The following PCDHA11 variants were observed in gnomAD, a reference collection of about 807,000 sequenced individuals.
PCDHA11 encodes the protein protocadherin alpha 11, also known as protocadherin alpha-11.
In PCDHA11, 61 loss-of-function variants were observed where a neutral mutation model predicts 70.3. The observed-to-expected ratio is 0.87, with a 90% confidence interval of 0.71 to 1.07. The LOEUF (loss-of-function observed/expected upper bound fraction) is 1.07, where lower values mean the gene tolerates loss of function less well. PCDHA11 is among the 50% of genes least tolerant of loss of function. The pLI is 0.00. For missense variants in PCDHA11, 1,324 were observed against 1,237.5 expected, an observed-to-expected ratio of 1.07 and a Z score of -1.05; for synonymous variants, 633 against 555.1, an observed-to-expected ratio of 1.14 and a Z score of -1.97.
In PCDHA11 at chr5:140,870,729, G is replaced by T. The variant is rs782392672; in HGVS notation, c.1626G>T (p.Pro542=). The T allele has an allele frequency of 4.3e-6, 7 of 1,613,306 alleles. No individual in the cohort carries two copies. Among genetic ancestry groups the T allele is most frequent in the Non-Finnish European group, 5.1e-6 (6 of 1,179,886 alleles). ...TGAGCGCGCGCGATGCGGGCGTGCC[G>T]CCTCTGAGCAGCAACGTGACGCTGC... is the stretch of plus-strand genomic sequence containing the variant. ...FQVSARDAGV[P]PLSSNVTLQV... is the part of the protein sequence containing the mutation. Residue 542 remains proline, a synonymous_variant, in exon 1 of 4, where the codon CCG becomes CCT. Coordinates refer to ENST00000398640, the MANE Select transcript of PCDHA11 (RefSeq NM_018902.5).
Position 140,883,886 on chromosome 5 carries a change from T to G in PCDHA11, c.2391+12392T>G, listed in dbSNP as rs147704126. ...GCAGTTCCAGGTGAGCGCGCGCGAC[T>G]CTGGCGTGCCGCCTCTGGGCAGCAA... On this transcript the variant is annotated intron_variant, in intron 1 of 3. Transcript: ENST00000398640. The G allele has an allele frequency of 2.5e-5, 41 of 1,613,036 alleles. No homozygotes were observed. The African/African-American group carries it at 2.7e-4, about 11-fold the overall frequency.
chr5:140,930,257 A>C (rs1412873070), intron 1 of PCDHA11: 1 of 152,218 alleles, frequency 6.6e-6, no homozygotes, highest in Non-Finnish European at 1.5e-5. Flanking sequence ...ACTTGGATTT[A>C]ATTTCTTTTA....
intron 1 of PCDHA11, among the ~76,000 whole-genome samples, chr5:140,960,911 G>A (rs2095578426): frequency 6.6e-6 from 1 of 152,284 alleles, no homozygotes; most frequent in Non-Finnish European, 1.5e-5. Context: ...TTGAGTTTCA[G>A]ATAGAAAATT....
At chr5:140,973,414 C>G (rs992904408) in intron 1 of PCDHA11, among the ~76,000 whole-genome samples, 1 of 152,204 alleles carries the variant, frequency 6.6e-6, no homozygotes, top group Non-Finnish European at 1.5e-5. Flanking sequence ...GCTTCCACTC[C>G]AGTTTTTCAT....
chr5:140,983,282 G>A (rs1030439196), intron 3 of PCDHA11, among the ~76,000 whole-genome samples: 1 of 152,152 alleles, frequency 6.6e-6, no homozygotes, highest in Non-Finnish European at 1.5e-5. Context: ...GTGAGTATAG[G>A]AAAATTGCTT....
At chr5:140,938,205 C>T (rs1435832298) in intron 1 of PCDHA11, among the ~76,000 whole-genome samples, 3 of 152,160 alleles carry the variant, frequency 2.0e-5, no homozygotes, top group Non-Finnish European at 4.4e-5. Context: ...GCCAGCCTCC[C>T]AAAGTGCTGG....
intron 3 of PCDHA11, among the ~76,000 whole-genome samples, chr5:141,000,533 T>G (rs1554257655): frequency 3.4e-5 from 5 of 147,384 alleles, no homozygotes; most frequent in Admixed American, 1.4e-4. Context: ...GTTCAAGTGA[T>G]TCTCATGCCT....
At chr5:140,888,958 A>G (rs1174377099) in intron 1 of PCDHA11, among the ~76,000 whole-genome samples, 1 of 152,010 alleles carries the variant, frequency 6.6e-6, no homozygotes, top group African/African-American at 2.4e-5. Flanking sequence ...TTTCTTTGGC[A>G]ATGTTAATGT....
At chr5:140,902,530 G>C (rs569387885) in intron 1 of PCDHA11, among the ~76,000 whole-genome samples, 1 of 152,026 alleles carries the variant, frequency 6.6e-6, no homozygotes, top group African/African-American at 2.4e-5. Flanking sequence ...TTATTATGTT[G>C]AGGTATGTTC....
At chr5:140,971,292 T>C (rs1194622162) in intron 1 of PCDHA11, among the ~76,000 whole-genome samples, 1 of 152,210 alleles carries the variant, frequency 6.6e-6, no homozygotes, top group Non-Finnish European at 1.5e-5. Flanking sequence ...TAATATGTAC[T>C]TTGGTACACA....
intron 1 of PCDHA11, among the ~76,000 whole-genome samples, chr5:140,961,888 T>G (rs1361187779): frequency 4.0e-5 from 5 of 124,944 alleles, no homozygotes; most frequent in Non-Finnish European, 7.9e-5. Context: ...CTTACATCAG[T>G]TTTTTTTTTT....
At chr5:140,900,498 A>G (rs1554189212) in intron 1 of PCDHA11, among the ~76,000 whole-genome samples, 1 of 152,172 alleles carries the variant, frequency 6.6e-6, no homozygotes, top group Non-Finnish European at 1.5e-5. Context: ...ACTGGTCTCA[A>G]ATTCCCAGCC....
At chr5:140,994,222 C>T (rs2097605581) in intron 3 of PCDHA11, among the ~76,000 whole-genome samples, 1 of 152,168 alleles carries the variant, frequency 6.6e-6, no homozygotes, top group Admixed American at 6.5e-5. Context: ...CAGGGTCTGT[C>T]TATGTTATAA....
chr5:140,943,831 A>T (rs1051741610), intron 1 of PCDHA11, among the ~76,000 whole-genome samples: 2 of 152,214 alleles, frequency 1.3e-5, no homozygotes, highest in African/African-American at 4.8e-5. Flanking sequence ...GAGTTGATTG[A>T]AGTTGTAAGA....
At chr5:140,986,398 G>C (rs973049448) in intron 3 of PCDHA11, among the ~76,000 whole-genome samples, 1 of 152,174 alleles carries the variant, frequency 6.6e-6, no homozygotes, top group Non-Finnish European at 1.5e-5. Context: ...AGGGCCAGTC[G>C]CTCATGTTAC....
At chr5:140,929,250 G>A (rs995042103) in intron 1 of PCDHA11, 2 of 1,613,420 alleles carry the variant, frequency 1.2e-6, no homozygotes, top group Admixed American at 1.7e-5. Flanking sequence ...TTGCCACTGG[G>A]GTAGGACTGA....
In PCDHA11 at chr5:141,009,947, A is replaced by G; in HGVS notation, c.*10A>G. On this transcript the variant is annotated 3_prime_UTR_variant, in exon 4 of 4. Coordinates refer to ENST00000398640, the MANE Select transcript of PCDHA11 (RefSeq NM_018902.5). ...CAACAGTGACCAGTGAGGTCCTCAAATGGAAACAAGCCACTTAGCCAGTTT... is the reference window on the plus strand; with the variant it reads ...CAACAGTGACCAGTGAGGTCCTCAAGTGGAAACAAGCCACTTAGCCAGTTT... The G allele has an allele frequency of 1.9e-6, 3 of 1,596,272 alleles. No individual in the cohort carries two copies. The South Asian group carries it at 3.4e-5, about 18-fold the overall frequency.
At position 140,979,482 on chromosome 5, in the gene PCDHA11, C is replaced by A. The variant is rs568650143; in HGVS notation, c.2450+475C>A. On this transcript the variant is annotated intron_variant, in intron 2 of 3. Coordinates refer to ENST00000398640, the MANE Select transcript of PCDHA11 (RefSeq NM_018902.5). Reference sequence around the variant, plus strand: ...ATTGATTGCTATTGTTGTTTGTGTTCACACCTATTAGAGCCTCCTCATCTT... The same window carrying A: ...ATTGATTGCTATTGTTGTTTGTGTTAACACCTATTAGAGCCTCCTCATCTT... Among the ~76,000 whole-genome samples, 6 of 152,068 alleles carry A rather than the reference C, an allele frequency of 3.9e-5. No homozygotes were observed. In the South Asian group the frequency reaches 1.0e-3, roughly 26 times the overall value.
At chr5:140,909,961 A>G (rs1407330494) in intron 1 of PCDHA11, among the ~76,000 whole-genome samples, 2 of 152,206 alleles carry the variant, frequency 1.3e-5, no homozygotes, top group Non-Finnish European at 2.9e-5. Flanking sequence ...GTAGGTCTCC[A>G]TGGGGAAGGA....
Sources: gnomAD v4.1 joint callset for allele counts (sites outside exome capture counted in the v4.1 genomes callset) on GRCh38, gnomAD v4.1.1 for gene constraint, MANE v1.5 for transcripts, NCBI Gene and HGNC (gene_info 2026-07-23, HGNC 2026-07-21) for gene names.